CEP128: variants seen among roughly 807,000 people sequenced by gnomAD.
The protein encoded by CEP128 is centrosomal protein 128, also known as centrosomal protein 128kDa.
CEP128 carries 132 observed loss-of-function variants against 156.7 expected under a neutral mutation model. The ratio of observed to expected loss-of-function variants is 0.84; its 90% confidence interval spans 0.73 to 0.97. The LOEUF (loss-of-function observed/expected upper bound fraction) is 0.97, where lower values mean the gene tolerates loss of function less well. CEP128 is among the 50% of genes least tolerant of loss of function. The pLI, the probability that CEP128 is intolerant of heterozygous loss-of-function variation, is 0.00. For missense variants in CEP128, 1,252 were observed against 1,281.9 expected (o/e 0.98, Z 0.36); for synonymous variants, 469 against 448.9 (o/e 1.04, Z -0.57).
At chr14:80,847,670 T>C (rs867856768) in intron 9 of CEP128, among the ~76,000 whole-genome samples, 1 of 152,256 alleles carries the variant, frequency 6.6e-6, no homozygotes, top group South Asian at 2.1e-4. Flanking sequence ...ATGCCACCTC[T>C]CTCACCCAAA....
intron 2 of CEP128, among the ~76,000 whole-genome samples, chr14:80,947,377 GA>G (rs1886371080): frequency 6.6e-6 from 1 of 152,092 alleles, no homozygotes; most frequent in South Asian, 2.1e-4. Flanking sequence ...GAAAGAAAAA[GA>G]AGAAGAAAAT....
At chr14:80,583,835 T>C (rs1231501941) in intron 19 of CEP128, among the ~76,000 whole-genome samples, 2 of 152,178 alleles carry the variant, frequency 1.3e-5, no homozygotes, top group Non-Finnish European at 2.9e-5. Flanking sequence ...TATTGAACCT[T>C]CTTATCTCTA....
intron 13 of CEP128, among the ~76,000 whole-genome samples, chr14:80,799,522 G>A (rs1883704497): frequency 6.6e-6 from 1 of 152,180 alleles, no homozygotes; most frequent in Non-Finnish European, 1.5e-5. Context: ...GCAGGGTTGG[G>A]CAAAGAGCCA....
intron 20 of CEP128, among the ~76,000 whole-genome samples, chr14:80,574,958 G>C (rs962501879): frequency 4.6e-5 from 7 of 151,770 alleles, no homozygotes; most frequent in Non-Finnish European, 1.0e-4. Context: ...AATGATTATG[G>C]GTCATCTGAA....
intron 19 of CEP128, among the ~76,000 whole-genome samples, chr14:80,619,035 G>A (rs1201846045): frequency 6.6e-6 from 1 of 152,170 alleles, no homozygotes; most frequent in Non-Finnish European, 1.5e-5. Context: ...CCTCCATTGT[G>A]TACTGGTTAA....
chr14:80,779,296 T>C (rs1900971522), intron 15 of CEP128, among the ~76,000 whole-genome samples: 1 of 152,206 alleles, frequency 6.6e-6, no homozygotes, highest in African/African-American at 2.4e-5. Flanking sequence ...AGAAAGAAGT[T>C]TTGTGAGTTT....
At chr14:80,933,274 G>A (rs1342854361) in intron 2 of CEP128, among the ~76,000 whole-genome samples, 6 of 152,074 alleles carry the variant, frequency 3.9e-5, no homozygotes, top group Non-Finnish European at 8.8e-5. Flanking sequence ...ATCAGCTATG[G>A]CCCCAGTAAC....
At chr14:80,709,499 C>G (rs558174877) in intron 19 of CEP128, among the ~76,000 whole-genome samples, 1 of 152,264 alleles carries the variant, frequency 6.6e-6, no homozygotes, top group South Asian at 2.1e-4. Flanking sequence ...TCTTTTTCAG[C>G]ATTTTGCTGG....
At position 80,785,403 on chromosome 14, in the gene CEP128, C is replaced by G. The variant is rs769642698; in HGVS notation, c.1703G>C (p.Arg568Pro). The G allele has an allele frequency of 6.2e-7, 1 of 1,614,088 alleles. No individual in the cohort carries two copies. Among genetic ancestry groups the G allele is most frequent in the Non-Finnish European group, 8.5e-7 (1 of 1,179,992 alleles). Reference sequence around the variant, plus strand: ...GTCAGCTTGATGAGACTTAATATCACGTAATTTCTCCTCCTTGGAGTGAAG... The same window carrying G: ...GTCAGCTTGATGAGACTTAATATCAGGTAATTTCTCCTCCTTGGAGTGAAG... ...EELHSKEEKL[R>P]DIKSHQADLE... Residue 568 changes from arginine to proline, a missense_variant, in exon 15 of 25, where the codon CGT becomes CCT. By Grantham distance (103) the Arg-to-Pro change is moderately radical. Coordinates refer to ENST00000555265, the MANE Select transcript of CEP128 (RefSeq NM_152446.5).
At chr14:80,485,599 T>C (rs577516208), downstream of CEP128, among the ~76,000 whole-genome samples, 3 of 151,746 alleles carry the variant, frequency 2.0e-5, no homozygotes, top group South Asian at 6.2e-4. Context: ...GAAATTATAC[T>C]GAAATTCTTA....
At chr14:80,630,148 T>C (rs1404039553) in intron 19 of CEP128, among the ~76,000 whole-genome samples, 1 of 152,020 alleles carries the variant, frequency 6.6e-6, no homozygotes, top group East Asian at 1.9e-4. Flanking sequence ...TCGGTTATAC[T>C]AGTGGTTTAA....
chr14:80,857,374 A>G (rs78249215), intron 9 of CEP128, among the ~76,000 whole-genome samples: 4,106 of 152,110 alleles, frequency 0.027, 72 homozygotes, highest in Non-Finnish European at 0.04. Flanking sequence ...TAGTATGATA[A>G]TTTACCTCAA....
Position 80,899,933 on chromosome 14 carries a change from T to G in CEP128, c.572+5A>C. 1 of 1,606,444 alleles carries G rather than the reference T, an allele frequency of 6.2e-7. No homozygotes were observed. Among genetic ancestry groups the G allele is most frequent in the Non-Finnish European group, 8.5e-7 (1 of 1,173,192 alleles). On this transcript the variant is annotated splice_donor_5th_base_variant and intron_variant, in intron 7 of 24. Coordinates refer to ENST00000555265, the MANE Select transcript of CEP128 (RefSeq NM_152446.5). The stretch of plus-strand genomic sequence containing the variant: ...CCTCCCATAAAAACCATAGGCTGCT[T>G]TTACCGGCTCCTTCTGGAAAGCTCC...
At chr14:80,480,563 C>T (rs1887032829) in intron 14 of CEP128, among the ~76,000 whole-genome samples, 1 of 152,140 alleles carries the variant, frequency 6.6e-6, no homozygotes, top group Non-Finnish European at 1.5e-5. Context: ...GCCTGCAGGC[C>T]TGTGATGGGA....
At chr14:80,596,822 A>AAAG (rs1892342421) in intron 19 of CEP128, among the ~76,000 whole-genome samples, 1 of 112,664 alleles carries the variant, frequency 8.9e-6, no homozygotes, top group Non-Finnish European at 1.8e-5. Context: ...ACTGTCACAA[A>AAAG]AAAAAAAAAA....
chr14:80,573,148 C>T (rs936456657), intron 20 of CEP128, among the ~76,000 whole-genome samples: 25 of 151,120 alleles, frequency 1.7e-4, no homozygotes, highest in Non-Finnish European at 2.9e-4. Flanking sequence ...TGGTCTCAAA[C>T]TCCTGACCTC....
At chr14:80,717,715 A>G (rs975123646) in intron 19 of CEP128, among the ~76,000 whole-genome samples, 1 of 152,218 alleles carries the variant, frequency 6.6e-6, no homozygotes, top group Non-Finnish European at 1.5e-5. Flanking sequence ...ACTTGGTGCC[A>G]CTTTCAGAAT....
intron 13 of CEP128, among the ~76,000 whole-genome samples, chr14:80,812,612 AGGC>A (rs200857411): frequency 0.065 from 9,851 of 152,194 alleles, 1,049 homozygotes; most frequent in African/African-American, 0.23. Context: ...TCTGTTGCCC[AGGC>A]TGGAGTGCAA....
downstream of CEP128, among the ~76,000 whole-genome samples, chr14:80,487,942 C>G (rs551629204): frequency 1.1e-4 from 16 of 151,730 alleles, no homozygotes; most frequent in East Asian, 3.0e-3. Flanking sequence ...CCAAAATTGA[C>G]ACCCTAATGT....
Sources: gnomAD v4.1 joint callset for allele counts (sites outside exome capture counted in the v4.1 genomes callset) on GRCh38, gnomAD v4.1.1 for gene constraint, MANE v1.5 for transcripts, NCBI Gene and HGNC (gene_info 2026-07-23, HGNC 2026-07-21) for gene names.